The following SLIT3 variants were observed in gnomAD, a reference collection of about 807,000 sequenced individuals.
The protein encoded by SLIT3 is slit guidance ligand 3.
Under a neutral mutation model 184.0 loss-of-function variants are expected in SLIT3, and 68 were observed. That is an observed-to-expected ratio of 0.37 (90% CI 0.30 to 0.45). The LOEUF is 0.45. Ranked by LOEUF, SLIT3 falls within the 20% of genes least tolerant of loss-of-function variation. SLIT3 has a pLI of 1.00. For synonymous variants in SLIT3, 831 were observed against 828.6 expected (o/e 1.00, Z -0.05); for missense variants, 1,707 against 2,026.0 (o/e 0.84, Z 3.02).
At chr5:168,678,036 G>C (rs1010048528) in intron 32 of SLIT3, among the ~76,000 whole-genome samples, 1 of 152,202 alleles carries the variant, frequency 6.6e-6, no homozygotes, top group East Asian at 1.9e-4. Flanking sequence ...CCATTTTAGG[G>C]AAGGAAGCTA....
At chr5:168,810,421 C>T (rs1418107089) in intron 8 of SLIT3, among the ~76,000 whole-genome samples, 3 of 152,274 alleles carry the variant, frequency 2.0e-5, no homozygotes, top group Non-Finnish European at 2.9e-5. Flanking sequence ...GCTATAGAAC[C>T]CCTGTTATAA....
intron 4 of SLIT3, among the ~76,000 whole-genome samples, chr5:169,005,972 T>C (rs1361636317): frequency 6.6e-6 from 1 of 152,224 alleles, no homozygotes; most frequent in Non-Finnish European, 1.5e-5. Context: ...ATTCAACAGG[T>C]ATTTGCTGTC....
intron 4 of SLIT3, among the ~76,000 whole-genome samples, chr5:169,179,724 C>T (rs1763095929): frequency 6.6e-6 from 1 of 152,128 alleles, no homozygotes; most frequent in Non-Finnish European, 1.5e-5. Context: ...ATGCTGTTAA[C>T]TAGTCATTCG....
In SLIT3 at chr5:169,046,981, A is replaced by G. The variant is rs571172767; in HGVS notation, c.413+146498T>C. On this transcript the variant is annotated intron_variant, in intron 4 of 35. Transcript: ENST00000519560. ...ACAGGGTGTCTACTCTGGCCGCAGT[A>G]AAGACATACTAATTCTGACATTATT... 2.6e-5 allele frequency among the ~76,000 whole-genome samples: 4 copies of G among 152,302 alleles called. No individual in the cohort carries two copies. The South Asian group carries it at 8.3e-4, about 32-fold the overall frequency.
chr5:169,112,235 C>T (rs2569114), intron 4 of SLIT3, among the ~76,000 whole-genome samples: 69,658 of 151,992 alleles, frequency 0.46, 16,715 homozygotes, highest in East Asian at 0.6. Context: ...ACAAAGCGGC[C>T]CTTGCTCAGT....
chr5:168,835,096 T>C (rs993958748), intron 6 of SLIT3, among the ~76,000 whole-genome samples: 11 of 152,172 alleles, frequency 7.2e-5, no homozygotes, highest in Non-Finnish European at 1.6e-4. Context: ...AGATGCAATA[T>C]TTCCCTCATC....
chr5:168,726,218 A>T (rs372343781), intron 20 of SLIT3, among the ~76,000 whole-genome samples: 1 of 151,780 alleles, frequency 6.6e-6, no homozygotes, highest in Admixed American at 6.6e-5. Context: ...GCATTCATTC[A>T]TGCATGCATT....
intron 6 of SLIT3, among the ~76,000 whole-genome samples, chr5:168,826,707 A>T (rs1757716935): frequency 6.6e-6 from 1 of 152,158 alleles, no homozygotes. Context: ...GCTAACATTA[A>T]CTGAGAGCTT....
At chr5:168,755,389 A>ATTTATTTCTTTCTTTCTTTCCTTTC (rs1213373035) in intron 16 of SLIT3, among the ~76,000 whole-genome samples, 2 of 133,640 alleles carry the variant, frequency 1.5e-5, no homozygotes, top group East Asian at 2.4e-4. Context: ...CAGTGCCGCC[A>ATTTATTTCTTTCTTTCTTTCCTTTC]TTTCTTTCTT....
chr5:169,166,753 G>A (rs1320298708), intron 4 of SLIT3, among the ~76,000 whole-genome samples: 1 of 152,192 alleles, frequency 6.6e-6, no homozygotes, highest in Admixed American at 6.5e-5. Context: ...CAGAATGGAA[G>A]AAATGAAAAG....
At chr5:169,283,750 T>C (rs1767067147) in intron 1 of SLIT3, among the ~76,000 whole-genome samples, 1 of 152,138 alleles carries the variant, frequency 6.6e-6, no homozygotes, top group Non-Finnish European at 1.5e-5. Flanking sequence ...CAGACAAGGA[T>C]CATTCAGAAG....
chr5:168,894,468 T>C (rs1031652108), intron 4 of SLIT3, among the ~76,000 whole-genome samples: 1 of 152,236 alleles, frequency 6.6e-6, no homozygotes, highest in Admixed American at 6.5e-5. Flanking sequence ...AAGTCCAGTT[T>C]GTCCCTTTGG....
chr5:168,803,387 G>A (rs945116636), intron 9 of SLIT3, among the ~76,000 whole-genome samples: 19 of 152,176 alleles, frequency 1.2e-4, no homozygotes, highest in African/African-American at 2.7e-4. Flanking sequence ...AAACTCAGTC[G>A]TAATAGACAG....
intron 1 of SLIT3, among the ~76,000 whole-genome samples, chr5:169,272,162 G>A (rs760644732): frequency 6.6e-6 from 1 of 152,206 alleles, no homozygotes; most frequent in Non-Finnish European, 1.5e-5. Context: ...AAAAGGACAG[G>A]AGAGAAATGG....
At chr5:169,192,432 TG>T in intron 4 of SLIT3, among the ~76,000 whole-genome samples, 1 of 148,114 alleles carries the variant, frequency 6.8e-6, no homozygotes, top group Non-Finnish European at 1.5e-5. Flanking sequence ...TCTGTGTGTG[TG>T]TGTGTGTGTG....
intron 4 of SLIT3, among the ~76,000 whole-genome samples, chr5:169,120,749 G>A (rs1237258546): frequency 6.6e-6 from 1 of 152,158 alleles, no homozygotes; most frequent in Non-Finnish European, 1.5e-5. Context: ...CATCCTACCT[G>A]TGCTCAGCCC....
intron 4 of SLIT3, among the ~76,000 whole-genome samples, chr5:168,956,994 C>T (rs553669498): frequency 6.2e-4 from 94 of 151,476 alleles, no homozygotes; most frequent in African/African-American, 2.1e-3. Context: ...TTTGGGAGGC[C>T]GAGGCAGGTG....
At chr5:168,828,673 A>G (rs1358147462) in intron 6 of SLIT3, among the ~76,000 whole-genome samples, 1 of 150,844 alleles carries the variant, frequency 6.6e-6, no homozygotes, top group Non-Finnish European at 1.5e-5. Flanking sequence ...AAAAAAAAGA[A>G]AAAAGAAAAA....
chr5:169,095,140 C>T (rs1759731447), intron 4 of SLIT3, among the ~76,000 whole-genome samples: 1 of 152,210 alleles, frequency 6.6e-6, no homozygotes, highest in Admixed American at 6.5e-5. Flanking sequence ...GCCAAGTATT[C>T]CTACCAAGGC....
Sources: allele counts gnomAD v4.1 joint callset (sites outside exome capture counted in the v4.1 genomes callset), GRCh38; gene constraint gnomAD v4.1.1; transcripts MANE v1.5; gene names NCBI Gene and HGNC (gene_info 2026-07-23, HGNC 2026-07-21).